The following FARS2 variants were observed in gnomAD, a reference collection of about 807,000 sequenced individuals.
The protein encoded by FARS2 is phenylalanine--tRNA ligase, mitochondrial.
FARS2 carries 40 observed loss-of-function variants against 46.4 expected under a neutral mutation model. That is an observed-to-expected ratio of 0.86 (90% CI 0.67 to 1.12). The LOEUF (loss-of-function observed/expected upper bound fraction) is 1.12. Ranked by LOEUF, FARS2 falls within the 50% of genes most tolerant of loss-of-function variation. The pLI is 0.00. For missense variants in FARS2, 513 were observed against 567.9 expected (o/e 0.90, Z 0.98); for synonymous variants, 234 against 214.9 (o/e 1.09, Z -0.78).
chr6:5,262,646 C>G (rs148142405), intron 1 of FARS2, among the ~76,000 whole-genome samples: 2 of 152,282 alleles, frequency 1.3e-5, no homozygotes, highest in East Asian at 1.9e-4. Flanking sequence ...AGTGTACTTG[C>G]AACCTGGTGT....
chr6:5,502,521 A>C (rs1296693677), intron 4 of FARS2, among the ~76,000 whole-genome samples: 2 of 152,250 alleles, frequency 1.3e-5, no homozygotes, highest in African/African-American at 4.8e-5. Flanking sequence ...GTAACCTGTC[A>C]ATATTTACCA....
At chr6:5,296,883 A>G (rs563302930) in intron 1 of FARS2, among the ~76,000 whole-genome samples, 15 of 152,316 alleles carry the variant, frequency 9.8e-5, no homozygotes, top group Admixed American at 7.8e-4. Context: ...TGCTGTGATC[A>G]TGAGTGTACA....
intron 1 of FARS2, among the ~76,000 whole-genome samples, chr6:5,327,907 C>A (rs1770512669): frequency 6.6e-6 from 1 of 152,176 alleles, no homozygotes; most frequent in Non-Finnish European, 1.5e-5. Flanking sequence ...TGATGGGTTC[C>A]ACTGGACGTT....
intron 6 of FARS2, among the ~76,000 whole-genome samples, chr6:5,757,760 T>G (rs1762283231): frequency 6.6e-6 from 1 of 152,216 alleles, no homozygotes; most frequent in South Asian, 2.1e-4. Flanking sequence ...CCTCTCAGGA[T>G]GGCTGTTCCA....
chr6:5,321,577 C>T (rs1561956155), intron 1 of FARS2, among the ~76,000 whole-genome samples: 1 of 152,114 alleles, frequency 6.6e-6, no homozygotes, highest in Non-Finnish European at 1.5e-5. Flanking sequence ...AGTGTTCAGA[C>T]AGGGATATTT....
chr6:5,460,313 G>A (rs1323429917), intron 4 of FARS2, among the ~76,000 whole-genome samples: 1 of 152,148 alleles, frequency 6.6e-6, no homozygotes, highest in Non-Finnish European at 1.5e-5. Flanking sequence ...CCCCTGCCTA[G>A]GCAGGCTGTT....
intron 1 of FARS2, among the ~76,000 whole-genome samples, chr6:5,264,527 C>T (rs1391050579): frequency 1.4e-5 from 2 of 142,742 alleles, no homozygotes; most frequent in Admixed American, 7.1e-5. Context: ...GAGTTTCACT[C>T]TTGTTTCTCA....
chr6:5,291,626 G>A (rs1033008199), intron 1 of FARS2, among the ~76,000 whole-genome samples: 12 of 152,116 alleles, frequency 7.9e-5, no homozygotes, highest in African/African-American at 2.9e-4. Flanking sequence ...TTGAATAGCT[G>A]AGTGTGTTGG....
At chr6:5,667,378 T>C (rs999990940) in intron 6 of FARS2, among the ~76,000 whole-genome samples, 2 of 151,702 alleles carry the variant, frequency 1.3e-5, no homozygotes, top group Middle Eastern at 3.4e-3. Context: ...ATTAGCCTGG[T>C]GTGGTGGTGC....
intron 6 of FARS2, among the ~76,000 whole-genome samples, chr6:5,648,100 C>G (rs1777165598): frequency 6.6e-6 from 1 of 152,224 alleles, no homozygotes; most frequent in Non-Finnish European, 1.5e-5. Flanking sequence ...CACTGTAAAT[C>G]AATATACTTT....
intron 5 of FARS2, among the ~76,000 whole-genome samples, chr6:5,546,988 G>C (rs967191753): frequency 2.0e-5 from 3 of 151,110 alleles, no homozygotes; most frequent in African/African-American, 7.4e-5. Context: ...GACTTGCTCT[G>C]TTCCCCAGGC....
intron 1 of FARS2, among the ~76,000 whole-genome samples, chr6:5,286,397 G>A (rs780558861): frequency 6.6e-6 from 1 of 152,052 alleles, no homozygotes; most frequent in Non-Finnish European, 1.5e-5. Flanking sequence ...CAAGTAGCTG[G>A]GACTACAGTT....
chr6:5,643,572 A>G (rs1776929779), intron 6 of FARS2, among the ~76,000 whole-genome samples: 1 of 152,208 alleles, frequency 6.6e-6, no homozygotes, highest in African/African-American at 2.4e-5. Flanking sequence ...AAGGTAACTT[A>G]TCACATGCTA....
intron 3 of FARS2, among the ~76,000 whole-genome samples, chr6:5,420,861 C>T (rs962039929): frequency 6.6e-6 from 1 of 152,194 alleles, no homozygotes; most frequent in Admixed American, 6.5e-5. Flanking sequence ...CGCAAGCCCA[C>T]AGTGTGCCAT....
intron 5 of FARS2, chr6:5,609,271 T>C (rs7767746): frequency 0.45 from 471,198 of 1,050,726 alleles, 108,855 homozygotes; most frequent in East Asian, 0.59. Context: ...CTACTGGAAC[T>C]GCCCTAGCCA....
At chr6:5,380,691 C>T (rs1759701077) in intron 2 of FARS2, among the ~76,000 whole-genome samples, 1 of 152,304 alleles carries the variant, frequency 6.6e-6, no homozygotes, top group South Asian at 2.1e-4. Flanking sequence ...TACACTCTTG[C>T]TATTTGACCA....
chr6:5,612,168 A>G (rs1423298207), intron 5 of FARS2, among the ~76,000 whole-genome samples: 1 of 152,202 alleles, frequency 6.6e-6, no homozygotes. Context: ...CTTTATTGAT[A>G]TTTCAAGTTG....
Position 5,676,679 on chromosome 6 carries a change from G to T in FARS2, c.1217+63359G>T, listed in dbSNP as rs1043550241. ...TCTGAAGTCATATTTCTGAATGTGA[G>T]ACTTTCATTTTGTTTAATTATCTAT... On this transcript the variant is annotated intron_variant, in intron 6 of 6. Transcript: ENST00000274680. Among the ~76,000 whole-genome samples the T allele has an allele frequency of 1.4e-4, 22 of 152,200 alleles. 1 individual carries two copies. The highest frequency in any genetic ancestry group is 5.3e-4 in the African/African-American group (22 of 41,450).
At chr6:5,475,968 A>G (rs1377556795) in intron 4 of FARS2, among the ~76,000 whole-genome samples, 1 of 152,192 alleles carries the variant, frequency 6.6e-6, no homozygotes, top group Non-Finnish European at 1.5e-5. Flanking sequence ...GCCAGGGGCT[A>G]ACCTGATCAT....
Sources: gnomAD v4.1 joint callset for allele counts (sites outside exome capture counted in the v4.1 genomes callset) on GRCh38, gnomAD v4.1.1 for gene constraint, MANE v1.5 for transcripts, NCBI Gene and HGNC (gene_info 2026-07-23, HGNC 2026-07-21) for gene names.